Variants in ZBP1 observed in about 807,000 individuals in gnomAD.
ZBP1 encodes Z-DNA-binding protein 1.
Under a neutral mutation model 41.1 loss-of-function variants are expected in ZBP1, and 42 were observed. The observed-to-expected ratio is 1.02, with a 90% confidence interval of 0.80 to 1.32. The LOEUF (loss-of-function observed/expected upper bound fraction) is 1.32. Ranked by LOEUF, ZBP1 falls within the 40% of genes most tolerant of loss-of-function variation. ZBP1 has a pLI of 0.00. For synonymous variants in ZBP1, 214 were observed against 205.2 expected, an observed-to-expected ratio of 1.04 and a Z score of -0.37; for missense variants, 562 against 549.7, an observed-to-expected ratio of 1.02 and a Z score of -0.22.
In ZBP1 at chr20:57,610,875, C is replaced by A. The variant is rs190865829; in HGVS notation, c.875-508G>T. On this transcript the variant is annotated intron_variant, in intron 6 of 7. Coordinates refer to ENST00000371173, the MANE Select transcript of ZBP1 (RefSeq NM_030776.3). The surrounding 1 kb of genome is among the most constrained non-coding windows in gnomAD (Gnocchi z 5.5). The stretch of plus-strand genomic sequence containing the variant: ...CCCAGAAACCACCCCCTCAAGGTTA[C>A]CACGATCCCTCTCGCTGAACCCCAC... Among the ~76,000 whole-genome samples, 77 of 151,880 alleles carry A rather than the reference C, an allele frequency of 5.1e-4. No homozygotes were observed. The highest frequency in any genetic ancestry group is 1.8e-3 in the African/African-American group (74 of 41,382).
At position 57,604,433 on chromosome 20, in the gene ZBP1, C is replaced by T; in HGVS notation, c.*140G>A. 1.8e-6 allele frequency: 2 copies of T among 1,096,544 alleles called. No homozygotes were observed. The highest frequency in any genetic ancestry group is 1.5e-5 in the African/African-American group (1 of 64,894). The allele number at this position is 1,096,544 out of a possible 1,614,324, so 67.9% of individuals were successfully genotyped here. A position where few individuals can be genotyped will look rare whatever the true frequency, so the allele number is the denominator to read the frequency against. The stretch of plus-strand genomic sequence containing the variant: ...ACCCATCCCCATGCCAGGTCCATTC[C>T]CCCAAAACTGATTCATGCAGGTTAT... On this transcript the variant is annotated 3_prime_UTR_variant, in exon 8 of 8. Coordinates refer to ENST00000371173, the MANE Select transcript of ZBP1 (RefSeq NM_030776.3).
chr20:57,604,680 TG>T lies in ZBP1; in HGVS notation c.1182del (p.Lys395SerfsTer5). ...PITPSHSKLT[P>X]KLETMTLGNR... ...TTTCCAAGAGTCATAGTTTCCAGCT[TG>T]GGGGTGAGCTTCGAGTGGCTGGGAG... On this transcript the variant is annotated frameshift_variant, in exon 8 of 8. Transcript: ENST00000371173. LOFTEE classifies it low-confidence loss of function (END_TRUNC). 6.2e-7 allele frequency: 1 copy of T among 1,614,066 alleles called. No homozygotes were observed. Among genetic ancestry groups the T allele is most frequent in the Non-Finnish European group, 8.5e-7 (1 of 1,180,012 alleles).
chr20:57,611,233 T>C (rs1315842312), intron 6 of ZBP1, among the ~76,000 whole-genome samples: 12 of 151,642 alleles, frequency 7.9e-5, no homozygotes, highest in Admixed American at 7.9e-4. Flanking sequence ...GGATCCAGAG[T>C]GCTAGCTTTA....
At chr20:57,614,097 C>T (rs960015411) in intron 4 of ZBP1, among the ~76,000 whole-genome samples, 3 of 152,116 alleles carry the variant, frequency 2.0e-5, no homozygotes, top group Non-Finnish European at 4.4e-5. Context: ...TGCAATGGCG[C>T]GATCTCAGCT....
chr20:57,616,764 C>T (rs1415775759), intron 1 of ZBP1: 1 of 452,188 alleles, frequency 2.2e-6, no homozygotes, highest in South Asian at 2.2e-5. Flanking sequence ...CAGTGGGGTT[C>T]CTCAGCTCTC....
Position 57,616,089 on chromosome 20 carries a change from C to T in ZBP1, c.259+155G>A. The T allele has an allele frequency of 5.4e-6, 4 of 739,006 alleles. No homozygotes were observed. The South Asian group carries it at 7.4e-5, about 14-fold the overall frequency. The allele number at this position is 739,006 out of a possible 1,614,324, so 45.8% of individuals were successfully genotyped here. A position where few individuals can be genotyped will look rare whatever the true frequency, so the allele number is the denominator to read the frequency against. On this transcript the variant is annotated intron_variant, in intron 2 of 7. Transcript: ENST00000371173. ...TACCAAGCAGCCCTGCTGTGAGCTCCATCAACCAGAAAAAGAAACCAAGGC... is the reference window on the plus strand; with the variant it reads ...TACCAAGCAGCCCTGCTGTGAGCTCTATCAACCAGAAAAAGAAACCAAGGC...
At chr20:57,611,706 T>A in intron 6 of ZBP1, 21 bp downstream of exon 6, 8 of 1,599,034 alleles carry the variant, frequency 5.0e-6, no homozygotes, top group Non-Finnish European at 6.8e-6. Context: ...GAGTTGGGTC[T>A]GGCCTCTAGA....
At position 57,610,687 on chromosome 20, in the gene ZBP1, A is replaced by T; in HGVS notation, c.875-320T>A. ...TCCTCTGCTGCCTGCTTCCCACTGC[A>T]CTGGAACACTGGCCCCCACTTTTGG... is the stretch of plus-strand genomic sequence containing the variant. On this transcript the variant is annotated intron_variant, in intron 6 of 7. Coordinates refer to ENST00000371173, the MANE Select transcript of ZBP1 (RefSeq NM_030776.3). The surrounding 1 kb of genome is among the most constrained non-coding windows in gnomAD (Gnocchi z 5.5). 7.1e-6 allele frequency: 3 copies of T among 420,234 alleles called. No homozygotes were observed. Among genetic ancestry groups the T allele is most frequent in the South Asian group, 5.3e-5 (2 of 37,932 alleles). The allele number at this position is 420,234 out of a possible 1,614,324, so 26.0% of individuals were successfully genotyped here.
Position 57,616,474 on chromosome 20 carries a change from G to A in ZBP1, c.35-6C>T. On this transcript the variant is annotated splice_region_variant and splice_polypyrimidine_tract_variant and intron_variant, in intron 1 of 7. Transcript: ENST00000371173. ...GATTCTTTGTTCAAGGTGGCCTGGG[G>A]GAGCGAGCGGGGGACAGAGAGGGGA... 2.5e-6 allele frequency: 4 copies of A among 1,612,746 alleles called. No homozygotes were observed. The Middle Eastern group carries it at 5.7e-4, about 230-fold the overall frequency.
chr20:57,617,122 AGGCTCC>A (rs1202194452), intron 1 of ZBP1: 14 of 153,960 alleles, frequency 9.1e-5, no homozygotes, highest in African/African-American at 3.4e-4. Context: ...GTACAGTGAT[AGGCTCC>A]CCGTTGGCCC....
intron 1 of ZBP1, among the ~76,000 whole-genome samples, chr20:57,619,646 T>TGTTCAG (rs1210754226): frequency 1.3e-5 from 2 of 152,142 alleles, no homozygotes; most frequent in Non-Finnish European, 2.9e-5. Flanking sequence ...GTTCAGACGC[T>TGTTCAG]AACACCAGCG....
In ZBP1 at chr20:57,604,690, C is replaced by T. The variant is rs761749701; in HGVS notation, c.1173G>A (p.Lys391=). The T allele has an allele frequency of 1.9e-6, 3 of 1,614,094 alleles. No homozygotes were observed. Among genetic ancestry groups the T allele is most frequent in the East Asian group, 2.2e-5 (1 of 44,876 alleles). The change falls in exon 8 of 8, where the codon AAG becomes AAA. Residue 391 remains lysine (K), a synonymous_variant. Coordinates refer to ENST00000371173, the MANE Select transcript of ZBP1 (RefSeq NM_030776.3). ...IGQPITPSHS[K]LTPKLETMTL... ...TCATAGTTTCCAGCTTGGGGGTGAG[C>T]TTCGAGTGGCTGGGAGTGATGGGCT...
intron 1 of ZBP1, chr20:57,617,630 GA>G (rs2070876319): frequency 6.6e-6 from 1 of 152,356 alleles, no homozygotes; most frequent in Admixed American, 6.5e-5. Context: ...GCTGAGATGG[GA>G]GGACCCCTAG....
At chr20:57,612,466 C>A (rs1348771779) in intron 5 of ZBP1, among the ~76,000 whole-genome samples, 3 of 152,160 alleles carry the variant, frequency 2.0e-5, no homozygotes, top group African/African-American at 7.2e-5. Context: ...CTAGGGAAAC[C>A]ATGATCTAGA....
Position 57,606,084 on chromosome 20 carries a change from A to T in ZBP1, c.1094-1315T>A, listed in dbSNP as rs137955698. ...ATGTCCAAAGCTAAGACAAGTTGAAAGCTAGGTCAAAAGTTAGCCAAATTG... is the reference window on the plus strand; with the variant it reads ...ATGTCCAAAGCTAAGACAAGTTGAATGCTAGGTCAAAAGTTAGCCAAATTG... On this transcript the variant is annotated intron_variant, in intron 7 of 7. Transcript: ENST00000371173. 2.1e-3 allele frequency among the ~76,000 whole-genome samples: 325 copies of T among 152,368 alleles called. 3 individuals carry two copies. Among genetic ancestry groups the T allele is most frequent in the South Asian group, 0.016 (77 of 4,830 alleles).
In ZBP1 at chr20:57,611,895, G is replaced by T; in HGVS notation, c.706C>A (p.Pro236Thr). 6.4e-7 allele frequency: 1 copy of T among 1,570,442 alleles called. No individual in the cohort carries two copies. Among genetic ancestry groups the T allele is most frequent in the African/African-American group, 1.3e-5 (1 of 74,246 alleles). Residue 236 changes from proline (P) to threonine (T), a missense_variant, in exon 6 of 8, where the codon CCA becomes ACA. Pro to Thr is a conservative substitution (Grantham distance 38). Coordinates refer to ENST00000371173, the MANE Select transcript of ZBP1 (RefSeq NM_030776.3). ...AGPRHLPSMAPGDSSTWGTLV... is the reference protein window; with the variant it reads ...AGPRHLPSMATGDSSTWGTLV... ...GTCCCCCAAGTTGAGGAATCACCTG[G>T]TGCCATTGAAGGGAGGTGGCGTGGA...
At chr20:57,611,665 G>T (rs2070675305) in intron 6 of ZBP1, 62 bp downstream of exon 6, 2 of 1,511,218 alleles carry the variant, frequency 1.3e-6, no homozygotes, top group East Asian at 2.4e-5. Flanking sequence ...TCTGGCTCCA[G>T]TTCCTTCCAG....
intron 6 of ZBP1, among the ~76,000 whole-genome samples, chr20:57,611,337 C>G (rs1336206334): frequency 6.6e-6 from 1 of 151,476 alleles, no homozygotes; most frequent in Non-Finnish European, 1.5e-5. Context: ...CTCTGCCTCC[C>G]AGGTTCAAGC....
rs371035944 is a variant in ZBP1 at position 57,613,118 on chromosome 20, G to C, written c.670+45C>G. ...TTGCCCCCACCCAGAGGATCCGGTG[G>C]CTCCCCACCGAGGTCCCCTCCCTGG... is the stretch of plus-strand genomic sequence containing the variant. On this transcript the variant is annotated intron_variant, in intron 5 of 7. Transcript: ENST00000371173. This position sits in a 1 kb window ranked among gnomAD's most constrained non-coding sequence, Gnocchi z 4.5. The C allele has an allele frequency of 1.2e-6, 2 of 1,612,352 alleles. No individual in the cohort carries two copies. The highest frequency in any genetic ancestry group is 2.7e-5 in the African/African-American group (2 of 74,974).
Sources: allele counts gnomAD v4.1 joint callset (sites outside exome capture counted in the v4.1 genomes callset), GRCh38; gene constraint gnomAD v4.1.1; non-coding constraint Gnocchi (gnomAD v3.1); transcripts MANE v1.5; gene names NCBI Gene and HGNC (gene_info 2026-07-23, HGNC 2026-07-21).